The following ABLIM2 variants were observed in gnomAD, a reference collection of about 807,000 sequenced individuals.
ABLIM2 encodes the protein actin binding LIM protein family member 2.
In ABLIM2, 53 loss-of-function variants were observed where a neutral mutation model predicts 97.7. The ratio of observed to expected loss-of-function variants is 0.54; its 90% CI spans 0.44 to 0.68. ABLIM2 has a LOEUF of 0.68. Among genes scored for constraint, ABLIM2 ranks in the 30% least tolerant of loss-of-function variants. The probability of loss-of-function intolerance (pLI) is 0.00; values close to 1 mark genes in which losing one functional copy is unlikely to be tolerated. For missense variants in ABLIM2, 835 were observed against 867.2 expected, an observed-to-expected ratio of 0.96 and a Z score of 0.47; for synonymous variants, 361 against 345.8, an observed-to-expected ratio of 1.04 and a Z score of -0.49.
intron 1 of ABLIM2, among the ~76,000 whole-genome samples, chr4:8,131,718 G>GAGCACAGCAGCCCGCATCCCC (rs1554119858): frequency 0.032 from 1,553 of 48,238 alleles, 204 homozygotes; most frequent in South Asian, 0.076. Context: ...CCGCATCCCT[G>GAGCACAGCAGCCCGCATCCCC]AGCACAGCAG....
Position 8,154,344 on chromosome 4 carries a change from C to T in ABLIM2, c.10+4336G>A, listed in dbSNP as rs1578579227. Among the ~76,000 whole-genome samples the T allele has an allele frequency of 7.8e-5, 11 of 141,168 alleles. No individual in the cohort carries two copies. The South Asian group carries it at 2.3e-3, about 30-fold the overall frequency. 92.6% of individuals were successfully genotyped at this position (141,168 alleles called of 152,430 possible). A position where few individuals can be genotyped will look rare whatever the true frequency, so the allele number is the denominator to read the frequency against. ...GTCACCAGGCTGGAGTATAGTGGCA[C>T]GATCTCAGCTCACTGCAACCTCTGA... is the stretch of plus-strand genomic sequence containing the variant. On this transcript the variant is annotated intron_variant, in intron 1 of 20. Transcript: ENST00000447017.
intron 17 of ABLIM2, among the ~76,000 whole-genome samples, chr4:7,991,815 T>C (rs996870455): frequency 6.6e-6 from 1 of 152,032 alleles, no homozygotes; most frequent in Non-Finnish European, 1.5e-5. Flanking sequence ...TGACAGAGCC[T>C]GAAGGAGACG....
At chr4:8,007,336 C>T in intron 16 of ABLIM2, 10 of 985,410 alleles carry the variant, frequency 1.0e-5, no homozygotes, top group Non-Finnish European at 1.2e-5. Flanking sequence ...CTTTCTTCTG[C>T]TCTCACACCC....
intron 7 of ABLIM2, among the ~76,000 whole-genome samples, chr4:8,055,501 C>A (rs886483151): frequency 1.7e-4 from 26 of 152,256 alleles, no homozygotes; most frequent in Admixed American, 1.4e-3. Context: ...CACTCACACA[C>A]CCTCTGCTAG....
chr4:8,029,959 T>C (rs541377633), intron 10 of ABLIM2, among the ~76,000 whole-genome samples, 183 bp from the exon 11 acceptor site: 1 of 152,284 alleles, frequency 6.6e-6, no homozygotes, highest in Non-Finnish European at 1.5e-5. Flanking sequence ...GGGGCTGGTG[T>C]GGTGCAGACA....
intron 6 of ABLIM2, chr4:8,066,426 GAAGGGA>G (rs1561112337): frequency 1.8e-4 from 25 of 141,276 alleles, no homozygotes; most frequent in African/African-American, 5.6e-4. Flanking sequence ...AGGAAGGAAG[GAAGGGA>G]GGGGTGGTTC....
chr4:8,106,585 C>T lies in ABLIM2; in HGVS notation c.63G>A (p.Ala21=), dbSNP rs746880511. The change falls in exon 2 of 21, where the codon GCG becomes GCA. Residue 21 remains alanine, a synonymous_variant. Transcript: ENST00000447017. ...PSPLEKSPST[A]ILCNTCGNVC... Reference sequence around the variant, plus strand: ...CATTCCCACACGTGTTGCACAGGATCGCCGTGCTGGGCGACTTCTCCAGCG... The same window carrying T: ...CATTCCCACACGTGTTGCACAGGATTGCCGTGCTGGGCGACTTCTCCAGCG... 5.0e-6 allele frequency: 8 copies of T among 1,611,322 alleles called. No homozygotes were observed. Among genetic ancestry groups the T allele is most frequent in the South Asian group, 4.4e-5 (4 of 90,306 alleles).
intron 17 of ABLIM2, among the ~76,000 whole-genome samples, chr4:7,991,534 CTT>C (rs35364357): frequency 0.38 from 57,499 of 151,894 alleles, 11,887 homozygotes; most frequent in African/African-American, 0.55. Flanking sequence ...ATTTGCACGT[CTT>C]TTGGTGTCGT....
chr4:8,071,619 G>A lies in ABLIM2; in HGVS notation c.675+6009C>T, dbSNP rs564172029. On this transcript the variant is annotated intron_variant, in intron 6 of 20. Coordinates refer to ENST00000447017, the MANE Select transcript of ABLIM2 (RefSeq NM_001130083.2). This position sits in a 1 kb window ranked among gnomAD's most constrained non-coding sequence, Gnocchi z 6.2. ...AGGGAAGCCAGGGGCACTGCCAAGC[G>A]CCTTAGGGGGCAAAACGGGGGTGGG... The A allele has an allele frequency of 6.2e-6, 5 of 801,144 alleles. No individual in the cohort carries two copies. Among genetic ancestry groups the A allele is most frequent in the South Asian group, 5.7e-5 (1 of 17,600 alleles). 49.6% of individuals were successfully genotyped at this position (801,144 alleles called of 1,614,324 possible). A position where few individuals can be genotyped will look rare whatever the true frequency, so the allele number is the denominator to read the frequency against.
chr4:8,021,013 C>T lies in ABLIM2; in HGVS notation c.1268-710G>A, dbSNP rs555778359. On this transcript the variant is annotated intron_variant, in intron 12 of 20. Transcript: ENST00000447017. This position sits in a 1 kb window ranked among gnomAD's most constrained non-coding sequence, Gnocchi z 5.5. ...CTGGGACCACAGGTGTGCACTACCA[C>T]GCCTGGCTAATTTTTTTAATTTTGT... 2.0e-5 allele frequency among the ~76,000 whole-genome samples: 3 copies of T among 151,886 alleles called. No individual in the cohort carries two copies. The highest frequency in any genetic ancestry group is 2.1e-4 in the South Asian group (1 of 4,802).
rs183422844 is a variant in ABLIM2 at position 7,998,042 on chromosome 4, C to T, written c.1619-5115G>A. Reference sequence around the variant, plus strand: ...GATTACAGGAATGTGCCACCATGCCCGGCTGATTTTGTATTTTTAGTAGAG... The same window carrying T: ...GATTACAGGAATGTGCCACCATGCCTGGCTGATTTTGTATTTTTAGTAGAG... On this transcript the variant is annotated intron_variant, in intron 16 of 20. Transcript: ENST00000447017. The surrounding 1 kb of genome is among the most constrained non-coding windows in gnomAD (Gnocchi z 6.4). 1.3e-5 allele frequency among the ~76,000 whole-genome samples: 2 copies of T among 152,054 alleles called. No individual in the cohort carries two copies. Among genetic ancestry groups the T allele is most frequent in the South Asian group, 2.1e-4 (1 of 4,798 alleles).
At position 8,123,210 on chromosome 4, in the gene ABLIM2, G is replaced by A. The variant is rs945089860; in HGVS notation, c.11-16573C>T. Reference sequence around the variant, plus strand: ...TGGCAGCTGGTGCCCCTTACTTGGGGTCTCTAATCCCTGCCTGGCCCTCCC... The same window carrying A: ...TGGCAGCTGGTGCCCCTTACTTGGGATCTCTAATCCCTGCCTGGCCCTCCC... On this transcript the variant is annotated intron_variant, in intron 1 of 20. Coordinates refer to ENST00000447017, the MANE Select transcript of ABLIM2 (RefSeq NM_001130083.2). This position sits in a 1 kb window ranked among gnomAD's most constrained non-coding sequence, Gnocchi z 6.2. Among the ~76,000 whole-genome samples the A allele has an allele frequency of 1.2e-4, 19 of 152,146 alleles. No individual in the cohort carries two copies. Among genetic ancestry groups the A allele is most frequent in the African/African-American group, 4.6e-4 (19 of 41,426 alleles).
At chr4:8,049,822 G>A (rs1299683273) in intron 8 of ABLIM2, among the ~76,000 whole-genome samples, 2 of 152,108 alleles carry the variant, frequency 1.3e-5, no homozygotes, top group African/African-American at 2.4e-5. Context: ...TCTGCCTCCC[G>A]TCTCAAGCGA....
At chr4:8,079,142 CAG>C (rs1360387985) in intron 5 of ABLIM2, among the ~76,000 whole-genome samples, 2 of 152,242 alleles carry the variant, frequency 1.3e-5, no homozygotes, top group Admixed American at 1.3e-4. Context: ...AGCCATCGCT[CAG>C]AGAGTGGCAG....
At position 8,054,951 on chromosome 4, in the gene ABLIM2, C is replaced by G. The variant is rs1033328951; in HGVS notation, c.764-705G>C. Among the ~76,000 whole-genome samples the G allele has an allele frequency of 6.6e-6, 1 of 152,086 alleles. No individual in the cohort carries two copies. Among genetic ancestry groups the G allele is most frequent in the Non-Finnish European group, 1.5e-5 (1 of 68,004 alleles). ...CACCCATGTCAACAGCCACTACCAT[C>G]AACATAACAAGGCCACCCGGCACCA... On this transcript the variant is annotated intron_variant, in intron 7 of 20. Transcript: ENST00000447017. The surrounding 1 kb of genome is among the most constrained non-coding windows in gnomAD (Gnocchi z 4.9).
Position 8,106,653 on chromosome 4 carries a change from GAA to G in ABLIM2, c.11-18_11-17del, listed in dbSNP as rs772728798. The G allele has an allele frequency of 4.3e-5, 69 of 1,595,474 alleles. No homozygotes were observed. Among genetic ancestry groups the G allele is most frequent in the Non-Finnish European group, 5.5e-5 (64 of 1,170,886 alleles). ...GGCTGCGACACTGTTGGGAAAGAGA[GAA>G]GAGCAGCGTTCAAGGGTGGATGTGT... On this transcript the variant is annotated splice_polypyrimidine_tract_variant and intron_variant, in intron 1 of 20. Coordinates refer to ENST00000447017, the MANE Select transcript of ABLIM2 (RefSeq NM_001130083.2).
chr4:8,045,331 C>G, intron 8 of ABLIM2, 90 bp from the exon 9 acceptor site: 1 of 1,155,590 alleles, frequency 8.7e-7, no homozygotes, highest in South Asian at 1.2e-5. Flanking sequence ...CCAGCAGCCA[C>G]GCCAGCGCAC....
intron 9 of ABLIM2, among the ~76,000 whole-genome samples, chr4:8,042,182 A>G (rs1247517109): frequency 6.6e-6 from 1 of 151,960 alleles, no homozygotes; most frequent in Non-Finnish European, 1.5e-5. Flanking sequence ...CCTGTCTCTC[A>G]CCCTCTTCCT....
At position 7,996,423 on chromosome 4, in the gene ABLIM2, C is replaced by T. The variant is rs533136817; in HGVS notation, c.1619-3496G>A. On this transcript the variant is annotated intron_variant, in intron 16 of 20. Coordinates refer to ENST00000447017, the MANE Select transcript of ABLIM2 (RefSeq NM_001130083.2). This position sits in a 1 kb window ranked among gnomAD's most constrained non-coding sequence, Gnocchi z 4.5. Reference sequence around the variant, plus strand: ...AGGTTCCCAGTGCCCAGGCTGCCGCCGACCGGTCTCAACTTTTAACCACTT... The same window carrying T: ...AGGTTCCCAGTGCCCAGGCTGCCGCTGACCGGTCTCAACTTTTAACCACTT... Among the ~76,000 whole-genome samples the T allele has an allele frequency of 7.3e-4, 111 of 152,294 alleles. No homozygotes were observed. Among genetic ancestry groups the T allele is most frequent in the African/African-American group, 2.5e-3 (104 of 41,556 alleles).
Sources: allele counts gnomAD v4.1 joint callset (sites outside exome capture counted in the v4.1 genomes callset), GRCh38; gene constraint gnomAD v4.1.1; non-coding constraint Gnocchi (gnomAD v3.1); transcripts MANE v1.5; gene names NCBI Gene and HGNC (gene_info 2026-07-23, HGNC 2026-07-21).